Variants in HDAC4 observed in about 807,000 individuals in gnomAD.
HDAC4 encodes the protein histone deacetylase A.
In HDAC4, 16 loss-of-function variants were observed where a neutral mutation model predicts 135.1. The ratio of observed to expected loss-of-function variants is 0.12; its 90% CI spans 0.08 to 0.18. The LOEUF (loss-of-function observed/expected upper bound fraction) is 0.18. Among genes scored for constraint, HDAC4 ranks in the 10% least tolerant of loss-of-function variants. HDAC4 has a pLI of 1.00. For missense variants in HDAC4, 1,143 were observed against 1,511.8 expected, an observed-to-expected ratio of 0.76 and a Z score of 4.05; for synonymous variants, 685 against 653.4, an observed-to-expected ratio of 1.05 and a Z score of -0.74.
Position 239,391,835 on chromosome 2 carries a change from C to T in HDAC4, c.-220+9143G>A, listed in dbSNP as rs117244691. 4.9e-4 allele frequency among the ~76,000 whole-genome samples: 74 copies of T among 152,320 alleles called. No homozygotes were observed. The East Asian group carries it at 0.013, about 27-fold the overall frequency. ...ACGTGAAACAAGAGAAGAGGCCCTC[C>T]GCAGCTCCCACGTGCCTCAGCTCTG... On this transcript the variant is annotated intron_variant, in intron 1 of 26. Coordinates refer to ENST00000543185, the MANE Select transcript of HDAC4 (RefSeq NM_001378414.1).
intron 3 of HDAC4, 135 bp from the exon 4 acceptor site, chr2:239,190,212 CT>C (rs1352454150): frequency 8.3e-7 from 1 of 1,208,376 alleles, no homozygotes; most frequent in East Asian, 2.5e-5. Flanking sequence ...TTGGATACCC[CT>C]CTCCCCCTGT....
chr2:239,323,915 TAAA>T (rs908767261), intron 2 of HDAC4, among the ~76,000 whole-genome samples: 2 of 152,240 alleles, frequency 1.3e-5, no homozygotes, highest in Admixed American at 1.3e-4. Flanking sequence ...ATATTTAACT[TAAA>T]AAAGAAACAG....
At chr2:239,122,755 CTCTT>C (rs887457903) in intron 12 of HDAC4, among the ~76,000 whole-genome samples, 2 of 152,234 alleles carry the variant, frequency 1.3e-5, no homozygotes, top group Non-Finnish European at 2.9e-5. Context: ...CGGGCCGCCT[CTCTT>C]TCTTTTTTAT....
chr2:239,143,047 G>A (rs985340708), intron 8 of HDAC4, among the ~76,000 whole-genome samples: 6 of 151,756 alleles, frequency 4.0e-5, no homozygotes, highest in Non-Finnish European at 8.8e-5. Flanking sequence ...GCCCTGTCAC[G>A]CATGGCTCCT....
At chr2:239,217,003 T>C (rs919673117) in intron 3 of HDAC4, among the ~76,000 whole-genome samples, 1 of 152,050 alleles carries the variant, frequency 6.6e-6, no homozygotes, top group African/African-American at 2.4e-5. Context: ...CTTCCCCCAG[T>C]GTAACCCCAA....
At chr2:239,166,428 C>A (rs1023305455) in intron 5 of HDAC4, among the ~76,000 whole-genome samples, 3 of 152,190 alleles carry the variant, frequency 2.0e-5, no homozygotes, top group East Asian at 3.8e-4. Flanking sequence ...CCAGCTCATG[C>A]TGCTGAAGAT....
At chr2:239,181,070 G>A (rs2044120109) in intron 4 of HDAC4, among the ~76,000 whole-genome samples, 1 of 152,242 alleles carries the variant, frequency 6.6e-6, no homozygotes, top group Admixed American at 6.5e-5. Context: ...GTCACACACA[G>A]CAAGGATTTA....
intron 6 of HDAC4, among the ~76,000 whole-genome samples, chr2:239,157,515 G>A (rs2042503493): frequency 6.6e-6 from 1 of 152,222 alleles, no homozygotes; most frequent in Non-Finnish European, 1.5e-5. Context: ...ACATGGGGAG[G>A]AGGCGGGCCC....
At chr2:239,374,336 G>A (rs1156703392) in intron 1 of HDAC4, among the ~76,000 whole-genome samples, 1 of 150,010 alleles carries the variant, frequency 6.7e-6, no homozygotes, top group African/African-American at 2.4e-5. Flanking sequence ...CAATGATGAC[G>A]AGGGTGACCA....
chr2:239,342,397 T>C, intron 2 of HDAC4, among the ~76,000 whole-genome samples: 1 of 152,204 alleles, frequency 6.6e-6, no homozygotes, highest in Non-Finnish European at 1.5e-5. Context: ...CCCCAGTTAA[T>C]GACCATCACT....
chr2:239,143,435 T>C (rs1380746782), intron 8 of HDAC4, among the ~76,000 whole-genome samples: 1 of 152,214 alleles, frequency 6.6e-6, no homozygotes, highest in Non-Finnish European at 1.5e-5. Flanking sequence ...CTTTAGATCA[T>C]AACATTTCTT....
chr2:239,096,029 G>T (rs11689462), intron 16 of HDAC4, among the ~76,000 whole-genome samples: 44,545 of 152,024 alleles, frequency 0.29, 6,745 homozygotes, highest in Non-Finnish European at 0.33. Context: ...CCGCTGTGGG[G>T]CTCCTCTCCC....
At chr2:239,318,449 G>C (rs1255765991) in intron 2 of HDAC4, among the ~76,000 whole-genome samples, 1 of 152,298 alleles carries the variant, frequency 6.6e-6, no homozygotes, top group South Asian at 2.1e-4. Flanking sequence ...TGGGGAGGAC[G>C]TGAGAATTGA....
At chr2:239,274,610 C>T (rs770458709) in intron 2 of HDAC4, among the ~76,000 whole-genome samples, 10 of 152,196 alleles carry the variant, frequency 6.6e-5, no homozygotes, top group Non-Finnish European at 1.0e-4. Context: ...TTGCCTACCT[C>T]GAAAATAACC....
At chr2:239,367,631 A>T (rs1694307366) in intron 1 of HDAC4, among the ~76,000 whole-genome samples, 2 of 152,226 alleles carry the variant, frequency 1.3e-5, no homozygotes. Context: ...TTGGCGAACA[A>T]AATTATTAAA....
Position 239,146,289 on chromosome 2 carries a change from C to A in HDAC4, c.734-1575G>T, listed in dbSNP as rs975032756. ...CTGATGACTAGGCAAGAAAACAGTA[C>A]CTCTTCTCTCACCACCAGATCTCCA... On this transcript the variant is annotated intron_variant, in intron 7 of 26. Transcript: ENST00000543185. This position sits in a 1 kb window ranked among gnomAD's most constrained non-coding sequence, Gnocchi z 4.5. Among the ~76,000 whole-genome samples, 2 of 151,122 alleles carry A rather than the reference C, an allele frequency of 1.3e-5. No homozygotes were observed. The highest frequency in any genetic ancestry group is 4.9e-5 in the African/African-American group (2 of 41,064).
intron 8 of HDAC4, among the ~76,000 whole-genome samples, chr2:239,140,534 T>C (rs2041290498): frequency 1.3e-5 from 2 of 152,204 alleles, no homozygotes; most frequent in Admixed American, 1.3e-4. Flanking sequence ...AAGGATTTGT[T>C]TGGCTTGTCA....
At chr2:239,281,940 TGCAA>T (rs1473758765) in intron 2 of HDAC4, among the ~76,000 whole-genome samples, 7 of 145,018 alleles carry the variant, frequency 4.8e-5, no homozygotes, top group African/African-American at 7.8e-5. Flanking sequence ...CACACCACTC[TGCAA>T]ACAATGTACA....
Position 239,352,005 on chromosome 2 carries a change from T to G in HDAC4, c.22+673A>C, listed in dbSNP as rs942035379. ...ATTATGGTGCACGCTCTCGGTGACT[T>G]TCCAAGGACAGAAAGTGTGAAGTCG... On this transcript the variant is annotated intron_variant, in intron 2 of 26. Coordinates refer to ENST00000543185, the MANE Select transcript of HDAC4 (RefSeq NM_001378414.1). The surrounding 1 kb of genome is among the most constrained non-coding windows in gnomAD (Gnocchi z 4.4). Among the ~76,000 whole-genome samples the G allele has an allele frequency of 7.2e-5, 11 of 152,102 alleles. No homozygotes were observed. Among genetic ancestry groups the G allele is most frequent in the Admixed American group, 7.2e-4 (11 of 15,276 alleles).
Sources: allele counts gnomAD v4.1 joint callset (sites outside exome capture counted in the v4.1 genomes callset), GRCh38; gene constraint gnomAD v4.1.1; non-coding constraint Gnocchi (gnomAD v3.1); transcripts MANE v1.5; gene names NCBI Gene and HGNC (gene_info 2026-07-23, HGNC 2026-07-21).